Variants in UBN2 observed in about 807,000 individuals in gnomAD.
The protein encoded by UBN2 is ubinuclein 2.
A neutral mutation model predicts 120.2 loss-of-function variants in UBN2; 35 were observed. The observed-to-expected ratio is 0.29, with a 90% CI of 0.22 to 0.39. The LOEUF is 0.39. Among genes scored for constraint, UBN2 ranks in the 10% least tolerant of loss-of-function variants. The pLI, the probability that UBN2 is intolerant of heterozygous loss-of-function variation, is 1.00. For synonymous variants in UBN2, 661 were observed against 648.7 expected (o/e 1.02, Z -0.29); for missense variants, 1,693 against 1,663.2 (o/e 1.02, Z -0.31).
At chr7:139,263,525 G>C (rs930649983) in intron 6 of UBN2, among the ~76,000 whole-genome samples, 1 of 152,286 alleles carries the variant, frequency 6.6e-6, no homozygotes, top group African/African-American at 2.4e-5. Flanking sequence ...TGTAATCCCA[G>C]CACTTTGGGA....
At chr7:139,251,454 G>C (rs1281831567) in intron 2 of UBN2, among the ~76,000 whole-genome samples, 1 of 152,142 alleles carries the variant, frequency 6.6e-6, no homozygotes, top group Non-Finnish European at 1.5e-5. Context: ...ATTAAACTTA[G>C]TCATTATTTC....
intron 4 of UBN2, 44 bp from the exon 5 acceptor site, chr7:139,259,223 G>A (rs1422698326): frequency 6.2e-7 from 1 of 1,603,982 alleles, no homozygotes; most frequent in East Asian, 2.2e-5. Flanking sequence ...AAAGAGTAAA[G>A]CATTGTTACT....
chr7:139,327,974 G>A, the UBN2 span, among the ~76,000 whole-genome samples: 2 of 152,132 alleles, frequency 1.3e-5, no homozygotes, highest in Non-Finnish European at 2.9e-5. Context: ...TTGTGAACTA[G>A]AGGTTGATAA....
chr7:139,246,122 T>C (rs941519023), intron 2 of UBN2, among the ~76,000 whole-genome samples: 3 of 152,116 alleles, frequency 2.0e-5, no homozygotes, highest in East Asian at 3.8e-4. Context: ...CCCAGCACTT[T>C]AGGAGGCCAA....
intron 6 of UBN2, among the ~76,000 whole-genome samples, chr7:139,264,607 C>G (rs1165519100): frequency 6.6e-6 from 1 of 152,116 alleles, no homozygotes; most frequent in Non-Finnish European, 1.5e-5. Flanking sequence ...GAGTCTTGCT[C>G]TGTCCCCAGG....
chr7:139,260,695 G>A (rs1188272151), intron 5 of UBN2, among the ~76,000 whole-genome samples: 1 of 152,002 alleles, frequency 6.6e-6, no homozygotes, highest in Non-Finnish European at 1.5e-5. Flanking sequence ...GAAATTAGGA[G>A]GAAAAATGTG....
At chr7:139,297,501 C>G (rs1417639440) in intron 17 of UBN2, among the ~76,000 whole-genome samples, 2 of 152,052 alleles carry the variant, frequency 1.3e-5, no homozygotes, top group Non-Finnish European at 2.9e-5. Context: ...CAGCATTTGA[C>G]ACAATTGGCT....
At chr7:139,238,673 T>G (rs746532293) in intron 2 of UBN2, among the ~76,000 whole-genome samples, 1 of 152,184 alleles carries the variant, frequency 6.6e-6, no homozygotes, top group African/African-American at 2.4e-5. Flanking sequence ...CTGTCCACCT[T>G]GGCCTCCCAA....
chr7:139,270,918 A>G (rs1797253405), intron 8 of UBN2, among the ~76,000 whole-genome samples: 1 of 151,966 alleles, frequency 6.6e-6, no homozygotes, highest in South Asian at 2.1e-4. Flanking sequence ...ATAATTTTGT[A>G]TTTTTAGTAG....
chr7:139,295,394 G>A (rs1798080648), intron 17 of UBN2, among the ~76,000 whole-genome samples: 1 of 152,100 alleles, frequency 6.6e-6, no homozygotes, highest in Admixed American at 6.5e-5. Flanking sequence ...CCCCCTGGGT[G>A]TAGACAGCTG....
At chr7:139,288,223 G>A (rs1797846068) in intron 15 of UBN2, among the ~76,000 whole-genome samples, 1 of 152,062 alleles carries the variant, frequency 6.6e-6, no homozygotes, top group African/African-American at 2.4e-5. Flanking sequence ...AGGAAGACAA[G>A]GAAAAATACA....
intron 15 of UBN2, among the ~76,000 whole-genome samples, chr7:139,290,999 T>A (rs188498574): frequency 3.3e-5 from 5 of 152,322 alleles, no homozygotes; most frequent in Admixed American, 2.6e-4. Context: ...ATACATGTAA[T>A]AAAACTGGAA....
chr7:139,276,559 A>G (rs1461312802), intron 12 of UBN2: 1 of 175,006 alleles, frequency 5.7e-6, no homozygotes, highest in Non-Finnish European at 1.2e-5. Context: ...ATTCCACAAA[A>G]TTAACCTATT....
Position 139,283,186 on chromosome 7 carries a change from T to C in UBN2, c.2281T>C (p.Ser761Pro), listed in dbSNP as rs1484791689. The change falls in exon 15 of 18, where the codon TCT becomes CCT. Residue 761 changes from serine (S) to proline (P), a missense_variant. Around this residue, in one of 5 missense-constraint regions of UBN2, gnomAD observed 837 missense variants for 817.6 expected, o/e 1.02. Transcript: ENST00000473989. Reference protein sequence around the residue: ...CLDDSLDEDLSFHSPSLDLVS... With the variant: ...CLDDSLDEDLPFHSPSLDLVS... ...CGACGACTCACTAGATGAAGACCTT[T>C]CTTTCCATTCACCTTCACTGGATCT... The C allele has an allele frequency of 6.2e-7, 1 of 1,612,554 alleles. No homozygotes were observed. Among genetic ancestry groups the C allele is most frequent in the East Asian group, 2.2e-5 (1 of 44,846 alleles).
Position 139,273,913 on chromosome 7 carries a change from A to G in UBN2, c.1830-18A>G, listed in dbSNP as rs761495944. The G allele has an allele frequency of 1.2e-4, 186 of 1,560,242 alleles. No individual in the cohort carries two copies. Among genetic ancestry groups the G allele is most frequent in the Non-Finnish European group, 1.6e-4 (182 of 1,159,288 alleles). On this transcript the variant is annotated intron_variant, in intron 10 of 17. Transcript: ENST00000473989. ...TTCTTCTAAAAAAAGTTTCAAATTT[A>G]ATTTTCAATCTGTTTAGAACTTTGT...
chr7:139,231,491 G>A lies in UBN2; in HGVS notation c.7G>A (p.Glu3Lys). The A allele has an allele frequency of 7.2e-7, 1 of 1,387,466 alleles. No homozygotes were observed. Among genetic ancestry groups the A allele is most frequent in the Non-Finnish European group, 9.4e-7 (1 of 1,062,124 alleles). 85.9% of individuals were successfully genotyped at this position (1,387,466 alleles called of 1,614,324 possible). Residue 3 changes from glutamate (E) to lysine (K), a missense_variant, in exon 1 of 18, where the codon GAG (glutamate) becomes AAG (lysine). Around this residue, in one of 5 missense-constraint regions of UBN2, gnomAD observed 663 missense variants for 591.2 expected, o/e 1.12. Coordinates refer to ENST00000473989, the MANE Select transcript of UBN2 (RefSeq NM_173569.4). ...GAGGGCCAGAACAGTGGGGATGGCG[G>A]AGCCGCGCAGAGTAGCGTTCATTAG... is the stretch of plus-strand genomic sequence containing the variant. MA[E>K]PRRVAFISLS...
chr7:139,231,833 G>C lies in UBN2; in HGVS notation c.349G>C (p.Glu117Gln). 6.6e-7 allele frequency: 1 copy of C among 1,526,694 alleles called. No homozygotes were observed. The highest frequency in any genetic ancestry group is 8.7e-7 in the Non-Finnish European group (1 of 1,143,864). The allele number at this position is 1,526,694 out of a possible 1,614,324, so 94.6% of individuals were successfully genotyped here. ...PPPRESASRA[E>Q]QPPRPPRETV... The stretch of plus-strand genomic sequence containing the variant: ...GCCGCGGGAGTCGGCTTCCCGGGCT[G>C]AGCAGCCGCCGCGGCCGCCGAGGGA... Residue 117 changes from glutamate (E) to glutamine (Q), a missense_variant, in exon 1 of 18, where the codon GAG becomes CAG. By Grantham distance (29) the Glu-to-Gln change is conservative. Coordinates refer to ENST00000473989, the MANE Select transcript of UBN2 (RefSeq NM_173569.4).
chr7:139,258,669 A>T, intron 4 of UBN2, 44 bp downstream of exon 4: 2 of 1,477,218 alleles, frequency 1.4e-6, no homozygotes, highest in Non-Finnish European at 9.0e-7. Flanking sequence ...ATGTTCAATT[A>T]ATAGGATTTT....
intron 8 of UBN2, 126 bp downstream of exon 8, chr7:139,269,649 A>G (rs550626122): frequency 1.9e-6 from 2 of 1,033,634 alleles, no homozygotes; most frequent in African/African-American, 1.6e-5. Context: ...TAACCATAGG[A>G]GGTTATTAAA....
Sources: gnomAD v4.1 joint callset for allele counts (sites outside exome capture counted in the v4.1 genomes callset) on GRCh38, gnomAD v4.1.1 for gene constraint, gnomAD v4.1.1 regional missense constraint, MANE v1.5 for transcripts, NCBI Gene and HGNC (gene_info 2026-07-23, HGNC 2026-07-21) for gene names.